The following LUZP2 variants were observed in gnomAD, a reference collection of about 807,000 sequenced individuals.
LUZP2 encodes leucine zipper protein 2.
A neutral mutation model predicts 51.6 loss-of-function variants in LUZP2; 52 were observed. The ratio of observed to expected loss-of-function variants is 1.01; its 90% CI spans 0.81 to 1.27. The LOEUF is 1.27. LUZP2 is among the 50% of genes most tolerant of loss of function. The probability of loss-of-function intolerance (pLI) is 0.00; values close to 1 mark genes in which losing one functional copy is unlikely to be tolerated. For synonymous variants in LUZP2, 154 were observed against 137.3 expected, an observed-to-expected ratio of 1.12 and a Z score of -0.85; for missense variants, 436 against 395.4, an observed-to-expected ratio of 1.10 and a Z score of -0.87.
chr11:24,568,816 T>C (rs1852332690), intron 1 of LUZP2, among the ~76,000 whole-genome samples: 1 of 152,072 alleles, frequency 6.6e-6, no homozygotes, highest in Non-Finnish European at 1.5e-5. Flanking sequence ...TTGAAAGTTG[T>C]TAATTTTCTT....
intron 1 of LUZP2, among the ~76,000 whole-genome samples, chr11:24,718,722 A>G (rs917452160): frequency 2.6e-5 from 4 of 152,180 alleles, no homozygotes; most frequent in African/African-American, 4.8e-5. Flanking sequence ...TATAATACTA[A>G]AAAGAGATGG....
At chr11:24,969,136 T>A (rs375052632) in intron 7 of LUZP2, among the ~76,000 whole-genome samples, 1 of 152,138 alleles carries the variant, frequency 6.6e-6, no homozygotes, top group South Asian at 2.1e-4. Flanking sequence ...AGTTATCTTT[T>A]CTGCTTCTCT....
chr11:24,963,395 C>G (rs1407688409), intron 7 of LUZP2, among the ~76,000 whole-genome samples: 2 of 152,180 alleles, frequency 1.3e-5, no homozygotes, highest in African/African-American at 4.8e-5. Flanking sequence ...AGACAGGCCT[C>G]CTTGAGCTGT....
chr11:24,653,979 C>G (rs1345637484), intron 1 of LUZP2, among the ~76,000 whole-genome samples: 1 of 152,130 alleles, frequency 6.6e-6, no homozygotes, highest in Non-Finnish European at 1.5e-5. Context: ...TGTTATTGGA[C>G]TATAGAAATT....
At chr11:25,000,686 C>T (rs892059267) in intron 9 of LUZP2, among the ~76,000 whole-genome samples, 1 of 152,180 alleles carries the variant, frequency 6.6e-6, no homozygotes, top group Non-Finnish European at 1.5e-5. Flanking sequence ...TTTCAGAAGC[C>T]TTTTCCTGTA....
rs564498284 is a variant in LUZP2 at position 24,983,788 on chromosome 11, G to GT, written c.765+503dup. Among the ~76,000 whole-genome samples, 77 of 142,818 alleles carry GT rather than the reference G, an allele frequency of 5.4e-4. No individual in the cohort carries two copies. The East Asian group carries it at 0.01, about 19-fold the overall frequency. The allele number at this position is 142,818 out of a possible 152,430, so 93.7% of individuals were successfully genotyped here. On this transcript the variant is annotated intron_variant, in intron 9 of 11. Transcript: ENST00000336930. ...ATTAAAAAAAAGCCTTACTCCTGGG[G>GT]TTTTTTTTCCCAGACCTATTAAATT... is the stretch of plus-strand genomic sequence containing the variant.
intron 1 of LUZP2, among the ~76,000 whole-genome samples, chr11:24,538,622 C>T (rs1309227196): frequency 1.3e-5 from 2 of 148,296 alleles, no homozygotes; most frequent in Non-Finnish European, 3.0e-5. Flanking sequence ...AAAATACACA[C>T]ATATATATGT....
chr11:25,026,632 T>C (rs991270535), intron 9 of LUZP2, among the ~76,000 whole-genome samples: 6 of 152,106 alleles, frequency 3.9e-5, no homozygotes. Context: ...ACTTGCTTTG[T>C]TAAATTTGGA....
chr11:24,907,104 G>A (rs1853478415), intron 6 of LUZP2, among the ~76,000 whole-genome samples: 1 of 152,058 alleles, frequency 6.6e-6, no homozygotes, highest in Admixed American at 6.6e-5. Context: ...TTGCTTCTCA[G>A]GAGTCCACCC....
Position 24,561,996 on chromosome 11 carries a change from T to A in LUZP2, c.62+64691T>A, listed in dbSNP as rs138945562. On this transcript the variant is annotated intron_variant, in intron 1 of 11. Transcript: ENST00000336930. ...AGTAGATGTTTTTTATATGAAACAA[T>A]TTGAATTATGTGTGGCTGGAAAGCA... Among the ~76,000 whole-genome samples, 1,061 of 152,064 alleles carry A rather than the reference T, an allele frequency of 7.0e-3. 6 individuals are homozygous for A. Among genetic ancestry groups the A allele is most frequent in the Non-Finnish European group, 0.011 (750 of 67,974 alleles).
intron 1 of LUZP2, among the ~76,000 whole-genome samples, chr11:24,521,367 A>AAAAG (rs1850636222): frequency 1.3e-5 from 2 of 149,870 alleles, no homozygotes; most frequent in African/African-American, 2.5e-5. Flanking sequence ...AAAAAAAAAA[A>AAAAG]AGGTGGGGGT....
chr11:25,024,726 T>C (rs1318067390), intron 9 of LUZP2, among the ~76,000 whole-genome samples: 1 of 151,598 alleles, frequency 6.6e-6, no homozygotes, highest in Admixed American at 6.6e-5. Context: ...CTGCCCAAGG[T>C]AATTTATAGA....
At chr11:24,517,356 G>A (rs1472957871) in intron 1 of LUZP2, among the ~76,000 whole-genome samples, 1 of 151,214 alleles carries the variant, frequency 6.6e-6, no homozygotes, top group Non-Finnish European at 1.5e-5. Context: ...CGTGGTGGCG[G>A]GTTCCTGTAG....
intron 5 of LUZP2, among the ~76,000 whole-genome samples, chr11:24,860,558 C>T (rs1851710812): frequency 6.6e-6 from 1 of 152,090 alleles, no homozygotes; most frequent in Non-Finnish European, 1.5e-5. Flanking sequence ...CAGGATGGTG[C>T]CTCAAGATCA....
chr11:24,544,579 C>T (rs920387032), intron 1 of LUZP2, among the ~76,000 whole-genome samples: 6 of 151,922 alleles, frequency 3.9e-5, no homozygotes, highest in African/African-American at 1.4e-4. Flanking sequence ...GGAAAATGGC[C>T]TCCAGTTCCA....
At chr11:24,938,508 T>G in intron 7 of LUZP2, among the ~76,000 whole-genome samples, 1 of 152,308 alleles carries the variant, frequency 6.6e-6, no homozygotes, top group Middle Eastern at 3.4e-3. Context: ...GATATGCTGA[T>G]ATACTGAAAA....
chr11:24,823,313 G>T (rs575536926), intron 5 of LUZP2, among the ~76,000 whole-genome samples: 1 of 150,874 alleles, frequency 6.6e-6, no homozygotes, highest in African/African-American at 2.4e-5. Flanking sequence ...GAGGTTTCAA[G>T]TCTTGGTGTG....
At chr11:24,595,664 A>T (rs1853418974) in intron 1 of LUZP2, among the ~76,000 whole-genome samples, 1 of 152,340 alleles carries the variant, frequency 6.6e-6, no homozygotes, top group South Asian at 2.1e-4. Context: ...GCAAGATCAT[A>T]GCTATTTATA....
intron 1 of LUZP2, among the ~76,000 whole-genome samples, chr11:24,620,070 C>T (rs538338454): frequency 6.6e-6 from 1 of 152,258 alleles, no homozygotes; most frequent in African/African-American, 2.4e-5. Context: ...GCCAGACGTA[C>T]TTTGTGGATT....
Sources: gnomAD v4.1 joint callset for allele counts (sites outside exome capture counted in the v4.1 genomes callset) on GRCh38, gnomAD v4.1.1 for gene constraint, MANE v1.5 for transcripts, NCBI Gene and HGNC (gene_info 2026-07-23, HGNC 2026-07-21) for gene names.